Variants in MAN2B2 observed in about 807,000 individuals in gnomAD.
The protein encoded by MAN2B2 is epididymis-specific alpha-mannosidase.
Under a neutral mutation model 117.1 loss-of-function variants are expected in MAN2B2, and 106 were observed. That is an observed-to-expected ratio of 0.90 (90% CI 0.77 to 1.06). The LOEUF (loss-of-function observed/expected upper bound fraction) is 1.06. MAN2B2 is among the 50% of genes least tolerant of loss of function. MAN2B2 has a pLI of 0.00. For missense variants in MAN2B2, 1,326 were observed against 1,381.4 expected, an observed-to-expected ratio of 0.96 and a Z score of 0.64; for synonymous variants, 544 against 595.1, an observed-to-expected ratio of 0.91 and a Z score of 1.25.
intron 3 of MAN2B2, among the ~76,000 whole-genome samples, chr4:6,580,694 G>A (rs1172494652): frequency 2.6e-5 from 4 of 152,158 alleles, no homozygotes; most frequent in Non-Finnish European, 4.4e-5. Flanking sequence ...CCCTGGCAGG[G>A]ACCCCCATCT....
chr4:6,585,036 C>G (rs1726578760), intron 3 of MAN2B2, among the ~76,000 whole-genome samples: 1 of 152,084 alleles, frequency 6.6e-6, no homozygotes, highest in South Asian at 2.1e-4. Flanking sequence ...GCTGGCACTC[C>G]CCCTGTGCTC....
intron 3 of MAN2B2, among the ~76,000 whole-genome samples, chr4:6,579,301 T>TCAC (rs1726299584): frequency 6.3e-5 from 1 of 15,808 alleles, no homozygotes; most frequent in African/African-American, 2.7e-4. Context: ...ACCACCACCA[T>TCAC]CACCACCACC....
intron 7 of MAN2B2, among the ~76,000 whole-genome samples, chr4:6,596,824 C>T (rs571696762): frequency 1.7e-4 from 26 of 152,298 alleles, no homozygotes; most frequent in Non-Finnish European, 3.1e-4. Flanking sequence ...GGCTTGCCTC[C>T]GATCAGGATC....
chr4:6,581,927 G>A (rs1726443498), intron 3 of MAN2B2, among the ~76,000 whole-genome samples: 1 of 152,110 alleles, frequency 6.6e-6, no homozygotes, highest in Non-Finnish European at 1.5e-5. Context: ...TCCCAGCACT[G>A]CAGTGTCAGG....
intron 11 of MAN2B2, among the ~76,000 whole-genome samples, chr4:6,606,514 C>T (rs1367305625): frequency 6.6e-6 from 1 of 152,256 alleles, no homozygotes; most frequent in Non-Finnish European, 1.5e-5. Context: ...TCTGTACATG[C>T]CCCTTAGGGC....
intron 2 of MAN2B2, among the ~76,000 whole-genome samples, chr4:6,577,438 T>C (rs1280271563): frequency 3.3e-5 from 5 of 152,152 alleles, no homozygotes; most frequent in Non-Finnish European, 5.9e-5. Flanking sequence ...CCAAGTGACT[T>C]GCTCAAGGGA....
intron 5 of MAN2B2, among the ~76,000 whole-genome samples, chr4:6,590,076 TA>T (rs1008591984): frequency 2.7e-4 from 35 of 127,634 alleles, no homozygotes; most frequent in Middle Eastern, 5.6e-3. Context: ...CTATTTAAAA[TA>T]AAAAAAAAAA....
At chr4:6,606,879 C>A (rs915457402) in intron 11 of MAN2B2, among the ~76,000 whole-genome samples, 1 of 152,188 alleles carries the variant, frequency 6.6e-6, no homozygotes, top group South Asian at 2.1e-4. Context: ...GACACCAACC[C>A]CAGGGCAGTG....
intron 7 of MAN2B2, among the ~76,000 whole-genome samples, chr4:6,595,111 T>G (rs1254777806): frequency 1.3e-5 from 2 of 152,210 alleles, no homozygotes; most frequent in Non-Finnish European, 2.9e-5. Flanking sequence ...TGACTCGGGC[T>G]TCCTTTCACT....
At chr4:6,597,362 C>T in intron 8 of MAN2B2, 59 bp downstream of exon 8, 1 of 1,465,248 alleles carries the variant, frequency 6.8e-7, no homozygotes, top group Non-Finnish European at 9.1e-7. Flanking sequence ...CGCACCTCCC[C>T]TCCCTTGTCC....
chr4:6,604,187 A>C (rs891542341), intron 10 of MAN2B2, among the ~76,000 whole-genome samples: 6 of 152,180 alleles, frequency 3.9e-5, no homozygotes, highest in Admixed American at 2.6e-4. Context: ...GCCAGAGGAC[A>C]GAGTAAGGTC....
intron 7 of MAN2B2, among the ~76,000 whole-genome samples, chr4:6,596,210 A>T (rs945926143): frequency 1.2e-4 from 18 of 151,832 alleles, no homozygotes; most frequent in Non-Finnish European, 8.8e-5. Flanking sequence ...CGTGGTATCC[A>T]GGCGGGCATG....
intron 6 of MAN2B2, among the ~76,000 whole-genome samples, chr4:6,594,160 G>A (rs1181782105): frequency 6.6e-6 from 1 of 152,170 alleles, no homozygotes; most frequent in Non-Finnish European, 1.5e-5. Context: ...GAGATGCCCA[G>A]GGCCGGGCGC....
chr4:6,605,248 G>T lies in MAN2B2; in HGVS notation c.1733G>T (p.Arg578Met). 1 of 1,614,208 alleles carries T rather than the reference G, an allele frequency of 6.2e-7. No homozygotes were observed. The highest frequency in any genetic ancestry group is 1.1e-5 in the South Asian group (1 of 91,082). The part of the protein sequence containing the change: ...RLRRRTSHAG[R>M]YLVPVANDCY... ...AGGAGACGCACCAGCCATGCGGGCA[G>T]GTACTTGGTGCCTGTGGCAAACGAC... Residue 578 changes from arginine (R) to methionine (M), a missense_variant, in exon 11 of 19, where the codon AGG becomes ATG. Coordinates refer to ENST00000285599, the MANE Select transcript of MAN2B2 (RefSeq NM_015274.3).
At chr4:6,593,631 C>T (rs2108743075) in intron 6 of MAN2B2, among the ~76,000 whole-genome samples, 1 of 152,342 alleles carries the variant, frequency 6.6e-6, no homozygotes, top group East Asian at 1.9e-4. Flanking sequence ...CACTGCGTGC[C>T]TTAGAGTCCA....
chr4:6,605,744 C>G (rs1252403453), intron 11 of MAN2B2, among the ~76,000 whole-genome samples: 1 of 152,070 alleles, frequency 6.6e-6, no homozygotes, highest in Non-Finnish European at 1.5e-5. Context: ...ACTTATCTAC[C>G]CACCCAGTTA....
chr4:6,576,812 C>G, intron 2 of MAN2B2, 88 bp downstream of exon 2: 1 of 1,521,432 alleles, frequency 6.6e-7, no homozygotes, highest in South Asian at 1.2e-5. Flanking sequence ...TAGCCAGGGC[C>G]AGGGCCAGGC....
At chr4:6,581,443 C>G (rs1375938814) in intron 3 of MAN2B2, among the ~76,000 whole-genome samples, 5 of 152,148 alleles carry the variant, frequency 3.3e-5, no homozygotes, top group Non-Finnish European at 7.4e-5. Context: ...TGTGCCTGGC[C>G]TGGGCTCTTT....
chr4:6,612,485 A>G (rs146608747), intron 15 of MAN2B2, among the ~76,000 whole-genome samples: 2 of 152,216 alleles, frequency 1.3e-5, no homozygotes, highest in Non-Finnish European at 2.9e-5. Context: ...GGAGAAGCTC[A>G]TGGAATCTAA....
Sources: gnomAD v4.1 joint callset for allele counts (sites outside exome capture counted in the v4.1 genomes callset) on GRCh38, gnomAD v4.1.1 for gene constraint, MANE v1.5 for transcripts, NCBI Gene and HGNC (gene_info 2026-07-23, HGNC 2026-07-21) for gene names.